Variants in TPST2 observed in about 807,000 individuals in gnomAD.
The protein encoded by TPST2 is protein-tyrosine sulfotransferase 2.
In TPST2, 16 loss-of-function variants were observed where a neutral mutation model predicts 27.8. The observed-to-expected ratio is 0.58, with a 90% CI of 0.39 to 0.88. The LOEUF is 0.88. Ranked by LOEUF, TPST2 falls within the 40% of genes least tolerant of loss-of-function variation. The pLI, the probability that TPST2 is intolerant of heterozygous loss-of-function variation, is 0.00. For missense variants in TPST2, 464 were observed against 543.1 expected, an observed-to-expected ratio of 0.85 and a Z score of 1.45; for synonymous variants, 229 against 231.7, an observed-to-expected ratio of 0.99 and a Z score of 0.10.
At position 26,523,322 on chromosome 22, in the gene TPST2, A is replaced by T. The variant is rs1413752110; in HGVS notation, c.*2953T>A. ...TGTTCAAAAATTTAAAGTCTGGAAG[A>T]CTATGTACAAACAGAAAATGGTAGC... On this transcript the variant is annotated 3_prime_UTR_variant, in exon 7 of 7. Coordinates refer to ENST00000338754, the MANE Select transcript of TPST2 (RefSeq NM_003595.5). The T allele has an allele frequency of 6.6e-6, 1 of 152,258 alleles. No individual in the cohort carries two copies. The highest frequency in any genetic ancestry group is 6.5e-5 in the Admixed American group (1 of 15,284). 9.4% of individuals were successfully genotyped at this position (152,258 alleles called of 1,614,324 possible). A position where few individuals can be genotyped will look rare whatever the true frequency, so the allele number is the denominator to read the frequency against.
At chr22:26,574,059 G>A (rs1927736280) in intron 1 of TPST2, among the ~76,000 whole-genome samples, 1 of 152,138 alleles carries the variant, frequency 6.6e-6, no homozygotes, top group South Asian at 2.1e-4. Context: ...TTTACAATTG[G>A]GGAACAGCCT....
chr22:26,581,100 C>A (rs941245380), intron 1 of TPST2, among the ~76,000 whole-genome samples: 1 of 152,012 alleles, frequency 6.6e-6, no homozygotes, highest in Admixed American at 6.6e-5. Context: ...CTCTACCAAA[C>A]ATACCAGGCC....
intron 1 of TPST2, among the ~76,000 whole-genome samples, chr22:26,562,227 T>G (rs898046043): frequency 1.3e-5 from 2 of 152,226 alleles, no homozygotes; most frequent in Non-Finnish European, 2.9e-5. Context: ...GGAGAGTCCC[T>G]TTCCCTCTCT....
At position 26,564,766 on chromosome 22, in the gene TPST2, G is replaced by A. The variant is rs533366637; in HGVS notation, c.-160-20091C>T. Among the ~76,000 whole-genome samples the A allele has an allele frequency of 1.1e-4, 16 of 152,264 alleles. 1 individual carries two copies. The highest frequency in any genetic ancestry group is 3.9e-4 in the African/African-American group (16 of 41,544). ...TCCCCATTTGACAAATGGGGAAATTGAGGCCCAGAGAGGTGCAGTGCTCTG... is the reference window on the plus strand; with the variant it reads ...TCCCCATTTGACAAATGGGGAAATTAAGGCCCAGAGAGGTGCAGTGCTCTG... On this transcript the variant is annotated intron_variant, in intron 1 of 6. Coordinates refer to ENST00000338754, the MANE Select transcript of TPST2 (RefSeq NM_003595.5).
chr22:26,548,626 A>C lies in TPST2; in HGVS notation c.-160-3951T>G, dbSNP rs1042824090. 9.2e-5 allele frequency among the ~76,000 whole-genome samples: 14 copies of C among 152,108 alleles called. No homozygotes were observed. In the East Asian group the frequency reaches 2.7e-3, roughly 29 times the overall value. The stretch of plus-strand genomic sequence containing the variant: ...GCAAGCTCATCAGACATTTTGGAGT[A>C]TGGATGCTGAACTGATTAGTATGAT... On this transcript the variant is annotated intron_variant, in intron 1 of 6. Transcript: ENST00000338754.
At chr22:26,537,005 G>GTGAT (rs1438403277) in intron 3 of TPST2, among the ~76,000 whole-genome samples, 2 of 152,076 alleles carry the variant, frequency 1.3e-5, no homozygotes, top group Non-Finnish European at 2.9e-5. Flanking sequence ...AGCCTGAGCT[G>GTGAT]TGATTGCACC....
intron 1 of TPST2, among the ~76,000 whole-genome samples, chr22:26,582,235 T>TG (rs1436506563): frequency 6.6e-6 from 1 of 152,184 alleles, no homozygotes; most frequent in Non-Finnish European, 1.5e-5. Flanking sequence ...GAGACCAGGC[T>TG]GGCCAACACA....
At chr22:26,533,121 A>C (rs963890084) in intron 4 of TPST2, among the ~76,000 whole-genome samples, 1 of 152,164 alleles carries the variant, frequency 6.6e-6, no homozygotes, top group Non-Finnish European at 1.5e-5. Context: ...GGTGGTCAAG[A>C]GGGGACTCTT....
At chr22:26,532,179 G>A (rs1290861127) in intron 5 of TPST2, among the ~76,000 whole-genome samples, 1 of 152,226 alleles carries the variant, frequency 6.6e-6, no homozygotes, top group Non-Finnish European at 1.5e-5. Flanking sequence ...GGAAGACGAA[G>A]TGAGAGGCTG....
intron 1 of TPST2, among the ~76,000 whole-genome samples, chr22:26,589,648 C>T (rs1291666253): frequency 6.6e-6 from 1 of 152,212 alleles, no homozygotes; most frequent in East Asian, 1.9e-4. Context: ...TTCCACGCGC[C>T]CTGGCGCCCG....
At chr22:26,575,336 CA>C (rs994034175) in intron 1 of TPST2, among the ~76,000 whole-genome samples, 1 of 152,176 alleles carries the variant, frequency 6.6e-6, no homozygotes, top group Non-Finnish European at 1.5e-5. Context: ...CCTCTTCCCA[CA>C]ATGCCTCCCT....
intron 1 of TPST2, among the ~76,000 whole-genome samples, chr22:26,566,319 G>A (rs1927377785): frequency 6.6e-6 from 1 of 152,162 alleles, no homozygotes; most frequent in Non-Finnish European, 1.5e-5. Flanking sequence ...TTGGGGGGCC[G>A]AGGAAGGCGG....
chr22:26,564,366 C>T (rs1927280954), intron 1 of TPST2, among the ~76,000 whole-genome samples: 1 of 152,238 alleles, frequency 6.6e-6, no homozygotes, highest in Admixed American at 6.5e-5. Flanking sequence ...TCTGTGAGCG[C>T]CACTGGCAAG....
chr22:26,556,301 G>A (rs1324436903), intron 1 of TPST2, among the ~76,000 whole-genome samples: 1 of 152,038 alleles, frequency 6.6e-6, no homozygotes, highest in East Asian at 1.9e-4. Context: ...CACCTTGGGA[G>A]GCCGAGGTGG....
At chr22:26,577,019 C>T (rs1339864383) in intron 1 of TPST2, among the ~76,000 whole-genome samples, 1 of 148,956 alleles carries the variant, frequency 6.7e-6, no homozygotes, top group East Asian at 2.0e-4. Flanking sequence ...TGGTGTGAAC[C>T]CGGGAGGCGG....
At chr22:26,531,490 A>G (rs1474267976) in intron 5 of TPST2, among the ~76,000 whole-genome samples, 5 of 152,074 alleles carry the variant, frequency 3.3e-5, no homozygotes, top group African/African-American at 9.7e-5. Flanking sequence ...GTGCATACGC[A>G]CTCCAGAGGT....
In TPST2 at chr22:26,586,848, G is replaced by A. The variant is rs556557341; in HGVS notation, c.-161+3205C>T. On this transcript the variant is annotated intron_variant, in intron 1 of 6. Transcript: ENST00000338754. ...GCTGGGTTCTGACCTGAGTTCTTCC[G>A]GTGCAGCCTCTTGCTGAAGCAAAGA... 5.3e-5 allele frequency among the ~76,000 whole-genome samples: 8 copies of A among 152,310 alleles called. No homozygotes were observed. The East Asian group carries it at 1.2e-3, about 22-fold the overall frequency.
rs117701840 is a variant in TPST2, at chr22:26,541,173, C to T, written c.458G>A (p.Arg153His). Residue 153 changes from arginine (R) to histidine (H), a missense_variant, in exon 3 of 7, where the codon CGC becomes CAC. Transcript: ENST00000338754. The surrounding 1 kb of genome is among the most constrained non-coding windows in gnomAD (Gnocchi z 5.9). ...AAATGGGTCCTTGTTGCAGAGCACGCGGGCCGGCTCTCCGTGCTTGGCAAT... is the reference window on the plus strand; with the variant it reads ...AAATGGGTCCTTGTTGCAGAGCACGTGGGCCGGCTCTCCGTGCTTGGCAAT... ...EVIAKHGEPA[R>H]VLCNKDPFTL... 5.8e-3 allele frequency: 9,212 copies of T among 1,599,182 alleles called. 43 individuals are homozygous for T. The highest frequency in any genetic ancestry group is 7.0e-3 in the Non-Finnish European group (8,159 of 1,170,738).
intron 1 of TPST2, among the ~76,000 whole-genome samples, chr22:26,552,380 T>A (rs1008403086): frequency 6.6e-6 from 1 of 152,178 alleles, no homozygotes; most frequent in African/African-American, 2.4e-5. Context: ...GGCGCTATTA[T>A]TAGCCACGTT....
Sources: allele counts gnomAD v4.1 joint callset (sites outside exome capture counted in the v4.1 genomes callset), GRCh38; gene constraint gnomAD v4.1.1; non-coding constraint Gnocchi (gnomAD v3.1); transcripts MANE v1.5; gene names NCBI Gene and HGNC (gene_info 2026-07-23, HGNC 2026-07-21).